Variants in ADRA1A observed in about 807,000 individuals in gnomAD.
The protein encoded by ADRA1A is adrenoceptor alpha 1A.
In ADRA1A, 31 loss-of-function variants were observed where a neutral mutation model predicts 29.6. The ratio of observed to expected loss-of-function variants is 1.05; its 90% CI spans 0.79 to 1.41. The LOEUF is 1.41. Ranked by LOEUF, ADRA1A falls within the 40% of genes most tolerant of loss-of-function variation. ADRA1A has a pLI of 0.00. For synonymous variants in ADRA1A, 311 were observed against 254.3 expected (o/e 1.22, Z -2.12); for missense variants, 619 against 601.1 (o/e 1.03, Z -0.31).
At chr8:26,752,207 T>C (rs1409958912), downstream of ADRA1A, among the ~76,000 whole-genome samples, 2 of 152,186 alleles carry the variant, frequency 1.3e-5, no homozygotes, top group African/African-American at 4.8e-5. Flanking sequence ...GATAATGGTA[T>C]TAACAATTTT....
chr8:26,863,663 TG>T (rs1341042179), intron 2 of ADRA1A, among the ~76,000 whole-genome samples: 2 of 152,188 alleles, frequency 1.3e-5, no homozygotes, highest in African/African-American at 4.8e-5. Context: ...AGAATAAGCA[TG>T]GTACTTATTT....
rs749477255 is a variant in ADRA1A at position 26,785,183 on chromosome 8, C to CAT, written c.884-14519_884-14518dup. Among the ~76,000 whole-genome samples the CAT allele has an allele frequency of 1.2e-3, 185 of 152,026 alleles. 2 individuals carry two copies. Among genetic ancestry groups the CAT allele is most frequent in the Non-Finnish European group, 1.5e-3 (100 of 67,988 alleles). On this transcript the variant is annotated intron_variant, in intron 2 of 2. Coordinates refer to ENST00000380573, the MANE Select transcript of ADRA1A (RefSeq NM_000680.4). ...TGTACATTAGAAGCATTTTAAGGGG[C>CAT]ATATATATATAAGAATATGGATATA...
Position 26,840,560 on chromosome 8 carries a change from G to A in ADRA1A, c.883+23527C>T, listed in dbSNP as rs147373197. 4.5e-3 allele frequency among the ~76,000 whole-genome samples: 680 copies of A among 151,242 alleles called. 2 individuals carry two copies. Among genetic ancestry groups the A allele is most frequent in the African/African-American group, 0.016 (650 of 41,224 alleles). On this transcript the variant is annotated intron_variant, in intron 2 of 2. Transcript: ENST00000380573. Reference sequence around the variant, plus strand: ...TTTGTACCAATGCACTTCTTGGGAAGTTTCTTTTTTATCCTGAACTTTAGC... The same window carrying A: ...TTTGTACCAATGCACTTCTTGGGAAATTTCTTTTTTATCCTGAACTTTAGC...
intron 2 of ADRA1A, among the ~76,000 whole-genome samples, chr8:26,808,402 A>G (rs1165812742): frequency 6.6e-6 from 1 of 152,194 alleles, no homozygotes; most frequent in Non-Finnish European, 1.5e-5. Context: ...TTCATTATAT[A>G]CACTGTGGAA....
At position 26,864,764 on chromosome 8, in the gene ADRA1A, G is replaced by T. The variant is rs969571942; in HGVS notation, c.206C>A (p.Ala69Glu). 5 of 1,614,030 alleles carry T rather than the reference G, an allele frequency of 3.1e-6. No individual in the cohort carries two copies. The highest frequency in any genetic ancestry group is 1.3e-5 in the African/African-American group (1 of 74,918). Residue 69 changes from alanine (A) to glutamate (E), a missense_variant, in exon 2 of 3, where the codon GCG becomes GAG. Physicochemically the swap from Ala to Glu is moderately radical, Grantham distance 107. Coordinates refer to ENST00000380573, the MANE Select transcript of ADRA1A (RefSeq NM_000680.4). The surrounding 1 kb of genome is among the most constrained non-coding windows in gnomAD (Gnocchi z 8.1). ...SVTHYYIVNL[A>E]VADLLLTSTV... is the part of the protein sequence containing the mutation. ...GGAGGTGAGCAGGAGGTCGGCCACC[G>T]CCAGGTTGACGATGTAGTAGTGCGT...
In ADRA1A at chr8:26,770,304, G is replaced by T. The variant is rs1806042448; in HGVS notation, c.1246C>A (p.Gln416Lys). Residue 416 changes from glutamine (Q) to lysine (K), a missense_variant, in exon 3 of 3, where the codon CAA (glutamine) becomes AAA (lysine). Transcript: ENST00000380573. ...GSARITVSKD[Q>K]SSCTTARVRS... ...ACCCGGGCTGTGGTACAGGAGGATT[G>T]GTCTTTGGACACTGTAATCCTGGCA... The T allele has an allele frequency of 1.2e-6, 2 of 1,614,182 alleles. No individual in the cohort carries two copies. Among genetic ancestry groups the T allele is most frequent in the Non-Finnish European group, 8.5e-7 (1 of 1,180,022 alleles).
rs1805177007 is a variant in ADRA1A, at chr8:26,756,521, C to G, written c.*238G>C. The G allele has an allele frequency of 2.0e-6, 3 of 1,530,814 alleles. No homozygotes were observed. In the African/African-American group the frequency reaches 4.1e-5, roughly 21 times the overall value. 94.8% of individuals were successfully genotyped at this position (1,530,814 alleles called of 1,614,324 possible). ...GTCCCTGAAGGCTCTTTTCCTCTTT[C>G]CCTTTGCATTCATGATCATTCCTTA... On this transcript the variant is annotated 3_prime_UTR_variant, in exon 3 of 3. Coordinates refer to the ADRA1A transcript ENST00000380582.
At chr8:26,809,609 G>A (rs1291747021) in intron 2 of ADRA1A, among the ~76,000 whole-genome samples, 1 of 152,160 alleles carries the variant, frequency 6.6e-6, no homozygotes, top group African/African-American at 2.4e-5. Flanking sequence ...ATTTATAAAA[G>A]CACAAAATCT....
At chr8:26,765,374 A>G (rs532560131), downstream of ADRA1A, among the ~76,000 whole-genome samples, 3 of 152,340 alleles carry the variant, frequency 2.0e-5, no homozygotes, top group South Asian at 2.1e-4. Flanking sequence ...GCCTAGCCCC[A>G]CAGTGATCAT....
intron 2 of ADRA1A, among the ~76,000 whole-genome samples, chr8:26,849,468 C>T (rs1261648830): frequency 6.6e-6 from 1 of 152,226 alleles, no homozygotes; most frequent in Admixed American, 6.5e-5. Flanking sequence ...CTGCACCAAA[C>T]AGACAAGAGA....
chr8:26,836,001 G>T, intron 2 of ADRA1A: 1 of 167,162 alleles, frequency 6.0e-6, no homozygotes, highest in Admixed American at 6.1e-5. Context: ...CAGGAAATGT[G>T]CCTTTAGCCC....
At chr8:26,800,062 C>A (rs1005333242) in intron 2 of ADRA1A, among the ~76,000 whole-genome samples, 3 of 152,002 alleles carry the variant, frequency 2.0e-5, no homozygotes, top group South Asian at 4.1e-4. Context: ...AGTTTGAGAC[C>A]AGCCTGATCA....
In ADRA1A at chr8:26,779,492, T is replaced by C. The variant is rs148010286; in HGVS notation, c.884-8826A>G. 1,719 of 663,928 alleles carry C rather than the reference T, an allele frequency of 2.6e-3. 51 individuals are homozygous for C. In the East Asian group the frequency reaches 0.046, roughly 18 times the overall value. The allele number at this position is 663,928 out of a possible 1,614,324, so 41.1% of individuals were successfully genotyped here. A position where few individuals can be genotyped will look rare whatever the true frequency, so the allele number is the denominator to read the frequency against. ...ACCCCTTCCTATCTGTAAGAGCAGA[T>C]GCTTCTAGGCAAATGGAAACAGTCA... On this transcript the variant is annotated intron_variant, in intron 2 of 2. Transcript: ENST00000380573.
rs1001924558 is a variant in ADRA1A at position 26,848,738 on chromosome 8, T to C, written c.883+15349A>G. On this transcript the variant is annotated intron_variant, in intron 2 of 2. Transcript: ENST00000380573. This position sits in a 1 kb window ranked among gnomAD's most constrained non-coding sequence, Gnocchi z 4.3. ...TCCTAGGAAAAGAGTCATTAAACTC[T>C]ACACGTTTCACACAATCCTCTTGTG... is the stretch of plus-strand genomic sequence containing the variant. 6.6e-6 allele frequency among the ~76,000 whole-genome samples: 1 copy of C among 152,232 alleles called. No homozygotes were observed. Among genetic ancestry groups the C allele is most frequent in the African/African-American group, 2.4e-5 (1 of 41,476 alleles).
chr8:26,773,855 T>C (rs750187154), intron 2 of ADRA1A, among the ~76,000 whole-genome samples: 2 of 152,176 alleles, frequency 1.3e-5, no homozygotes, highest in Non-Finnish European at 2.9e-5. Flanking sequence ...GGGCCCTCTC[T>C]CTAGTCTCTT....
At chr8:26,812,400 T>C (rs1000119854) in intron 2 of ADRA1A, among the ~76,000 whole-genome samples, 6 of 152,126 alleles carry the variant, frequency 3.9e-5, no homozygotes, top group Non-Finnish European at 8.8e-5. Flanking sequence ...TCCTGAATAA[T>C]CAAATAACTA....
chr8:26,864,501 T>G lies in ADRA1A; in HGVS notation c.469A>C (p.Ile157Leu). Reference sequence around the variant, plus strand: ...CAGCCGAACAGGGGTCCAATGGATATGACCAGGGAGAGTGCCCAGACGCAG... The same window carrying G: ...CAGCCGAACAGGGGTCCAATGGATAGGACCAGGGAGAGTGCCCAGACGCAG... ...LLCVWALSLV[I>L]SIGPLFGWRQ... Residue 157 changes from isoleucine to leucine, a missense_variant, in exon 2 of 3, where the codon ATA becomes CTA. Coordinates refer to ENST00000380573, the MANE Select transcript of ADRA1A (RefSeq NM_000680.4). The surrounding 1 kb of genome is among the most constrained non-coding windows in gnomAD (Gnocchi z 8.1). The G allele has an allele frequency of 6.2e-7, 1 of 1,613,894 alleles. No homozygotes were observed. The highest frequency in any genetic ancestry group is 1.1e-5 in the South Asian group (1 of 91,078).
chr8:26,817,971 C>T (rs1381594186), intron 2 of ADRA1A, among the ~76,000 whole-genome samples: 2 of 152,230 alleles, frequency 1.3e-5, no homozygotes, highest in Admixed American at 1.3e-4. Flanking sequence ...GATGAATACA[C>T]TGTGGTGTAT....
intron 2 of ADRA1A, among the ~76,000 whole-genome samples, chr8:26,771,132 C>G (rs540763678): frequency 6.6e-6 from 1 of 152,302 alleles, no homozygotes; most frequent in Admixed American, 6.5e-5. Context: ...TGAATTCCTC[C>G]CCTCCCAAAT....
Sources: allele counts gnomAD v4.1 joint callset (sites outside exome capture counted in the v4.1 genomes callset), GRCh38; gene constraint gnomAD v4.1.1; non-coding constraint Gnocchi (gnomAD v3.1); transcripts MANE v1.5; gene names NCBI Gene and HGNC (gene_info 2026-07-23, HGNC 2026-07-21).